The following TLE4 variants were observed in gnomAD, a reference collection of about 807,000 sequenced individuals.
TLE4 encodes TLE family member 4, transcriptional corepressor, also known as transducin-like enhancer protein 4.
TLE4 carries 8 observed loss-of-function variants against 92.8 expected under a neutral mutation model. The observed-to-expected ratio is 0.09, with a 90% CI of 0.05 to 0.16. TLE4 has a LOEUF of 0.16. Ranked by LOEUF, TLE4 falls within the 10% of genes least tolerant of loss-of-function variation. The pLI is 1.00. For synonymous variants in TLE4, 371 were observed against 374.1 expected (o/e 0.99, Z 0.10); for missense variants, 675 against 997.6 (o/e 0.68, Z 4.36).
intron 16 of TLE4, among the ~76,000 whole-genome samples, chr9:79,721,156 G>A (rs1044632035): frequency 6.6e-6 from 1 of 152,210 alleles, no homozygotes; most frequent in Non-Finnish European, 1.5e-5. Context: ...ATGAGAAGCT[G>A]CTTCTAACCC....
At chr9:79,598,463 C>G (rs2044657425) in intron 4 of TLE4, among the ~76,000 whole-genome samples, 1 of 152,120 alleles carries the variant, frequency 6.6e-6, no homozygotes, top group African/African-American at 2.4e-5. Context: ...TGGTCTTACC[C>G]TTTTCTCTGC....
chr9:79,679,748 A>C (rs2064080151), intron 8 of TLE4, among the ~76,000 whole-genome samples: 1 of 152,062 alleles, frequency 6.6e-6, no homozygotes, highest in Non-Finnish European at 1.5e-5. Context: ...TTATGGTTTT[A>C]GGTCTAACAT....
chr9:79,588,380 C>T (rs1322147717), intron 4 of TLE4, among the ~76,000 whole-genome samples: 2 of 152,212 alleles, frequency 1.3e-5, no homozygotes, highest in South Asian at 4.1e-4. Context: ...GATCTCTTGG[C>T]CTCGTGATCC....
At chr9:79,584,587 C>A (rs550988104) in intron 4 of TLE4, among the ~76,000 whole-genome samples, 2 of 152,204 alleles carry the variant, frequency 1.3e-5, no homozygotes, top group African/African-American at 2.4e-5. Context: ...CTGTGCCTAT[C>A]GCATAGTAGA....
At position 79,705,955 on chromosome 9, in the gene TLE4, C is replaced by T; in HGVS notation, c.783+13C>T. 6.2e-7 allele frequency: 1 copy of T among 1,613,838 alleles called. No individual in the cohort carries two copies. Among genetic ancestry groups the T allele is most frequent in the Non-Finnish European group, 8.5e-7 (1 of 1,179,762 alleles). On this transcript the variant is annotated intron_variant, in intron 10 of 19. Transcript: ENST00000376552. ...CGTTTCCAATGAGGTATGTTTGTGG[C>T]TACTTTAATTTTTTGCACTTGCCCA...
intron 6 of TLE4, among the ~76,000 whole-genome samples, chr9:79,644,448 C>A (rs552906711): frequency 6.6e-6 from 1 of 152,134 alleles, no homozygotes; most frequent in Admixed American, 6.5e-5. Flanking sequence ...CTTCCAGCAA[C>A]CTTGGGAGGT....
chr9:79,649,071 A>T (rs2058525837), intron 6 of TLE4, among the ~76,000 whole-genome samples: 1 of 152,154 alleles, frequency 6.6e-6, no homozygotes, highest in South Asian at 2.1e-4. Context: ...GATACATCAG[A>T]AAAAGAAAAC....
intron 8 of TLE4, among the ~76,000 whole-genome samples, chr9:79,702,047 G>T (rs759546587): frequency 6.6e-6 from 1 of 152,184 alleles, no homozygotes; most frequent in East Asian, 1.9e-4. Context: ...AAGGATAGTG[G>T]GGGATTTCAA....
chr9:79,610,640 C>T (rs377351234), intron 4 of TLE4, among the ~76,000 whole-genome samples: 1 of 151,932 alleles, frequency 6.6e-6, no homozygotes, highest in African/African-American at 2.4e-5. Flanking sequence ...AGATCTTTAA[C>T]GGAAGTTTGG....
At chr9:79,670,870 G>T (rs1001870913) in intron 8 of TLE4, among the ~76,000 whole-genome samples, 11 of 148,340 alleles carry the variant, frequency 7.4e-5, no homozygotes, top group South Asian at 4.3e-4. Flanking sequence ...GTCCTTATTG[G>T]TTTTTTTTTT....
rs1163885886 is a variant in TLE4 at position 79,654,040 on chromosome 9, G to C, written c.593-19G>C. 1 of 1,613,368 alleles carries C rather than the reference G, an allele frequency of 6.2e-7. No homozygotes were observed. Among genetic ancestry groups the C allele is most frequent in the Non-Finnish European group, 8.5e-7 (1 of 1,179,724 alleles). On this transcript the variant is annotated intron_variant, in intron 7 of 19. Transcript: ENST00000376552. ...TCCCACCACTTTATCTGCTTGTGTT[G>C]CTGCTGTTTTGCATATAGACAGAGA... is the stretch of plus-strand genomic sequence containing the variant.
At chr9:79,676,101 A>G (rs2063210967) in intron 8 of TLE4, among the ~76,000 whole-genome samples, 2 of 152,100 alleles carry the variant, frequency 1.3e-5, no homozygotes, top group South Asian at 4.1e-4. Context: ...GAGTGACAAT[A>G]AGGGATAATG....
At chr9:79,703,928 T>C (rs1352953746) in intron 8 of TLE4, among the ~76,000 whole-genome samples, 2 of 151,674 alleles carry the variant, frequency 1.3e-5, no homozygotes, top group African/African-American at 2.4e-5. Flanking sequence ...AAAATTACTT[T>C]CCCCCCTTTT....
chr9:79,629,840 T>C (rs556038605), intron 6 of TLE4, among the ~76,000 whole-genome samples: 1 of 152,336 alleles, frequency 6.6e-6, no homozygotes, highest in South Asian at 2.1e-4. Flanking sequence ...GCCATGGTAG[T>C]GCTTGCATCC....
chr9:79,612,626 T>G, intron 4 of TLE4, 30 bp from the exon 5 acceptor site: 1 of 1,599,824 alleles, frequency 6.3e-7, no homozygotes, highest in South Asian at 1.1e-5. Context: ...CTGTTCTCTT[T>G]ATTGCTTTCC....
intron 6 of TLE4, among the ~76,000 whole-genome samples, chr9:79,651,031 A>ATCTCTCTCTCTCTCTCTCTC (rs10580766): frequency 3.2e-4 from 45 of 138,834 alleles, no homozygotes; most frequent in African/African-American, 7.4e-4. Context: ...GGAATGATCG[A>ATCTCTCTCTCTCTCTCTCTC]TCTCTCTCTC....
At chr9:79,694,230 A>G (rs937092055) in intron 8 of TLE4, among the ~76,000 whole-genome samples, 2 of 152,210 alleles carry the variant, frequency 1.3e-5, no homozygotes, top group Non-Finnish European at 2.9e-5. Context: ...ATTGTCTGAA[A>G]TGGCAAGTAG....
At chr9:79,714,637 C>T (rs1271221018) in intron 14 of TLE4, among the ~76,000 whole-genome samples, 1 of 152,226 alleles carries the variant, frequency 6.6e-6, no homozygotes, top group Non-Finnish European at 1.5e-5. Context: ...CAAAACACTT[C>T]AGAATACTTT....
chr9:79,616,217 G>A (rs1429121297), intron 5 of TLE4, among the ~76,000 whole-genome samples: 1 of 152,070 alleles, frequency 6.6e-6, no homozygotes, highest in African/African-American at 2.4e-5. Flanking sequence ...GTTGGATCTG[G>A]GTCCTGGCCT....
Sources: allele counts gnomAD v4.1 joint callset (sites outside exome capture counted in the v4.1 genomes callset), GRCh38; gene constraint gnomAD v4.1.1; transcripts MANE v1.5; gene names NCBI Gene and HGNC (gene_info 2026-07-23, HGNC 2026-07-21).